The following PLD5 variants were observed in gnomAD, a reference collection of about 807,000 sequenced individuals.
The protein encoded by PLD5 is inactive phospholipase D5.
PLD5 carries 36 observed loss-of-function variants against 61.1 expected under a neutral mutation model. The observed-to-expected ratio is 0.59, with a 90% CI of 0.45 to 0.78. PLD5 has a LOEUF of 0.78. Ranked by LOEUF, PLD5 falls within the 30% of genes least tolerant of loss-of-function variation. The pLI is 0.00. For missense variants in PLD5, 515 were observed against 644.4 expected (o/e 0.80, Z 2.17); for synonymous variants, 243 against 242.8 (o/e 1.00, Z -0.01).
intron 3 of PLD5, among the ~76,000 whole-genome samples, chr1:242,277,522 G>C (rs1250007126): frequency 7.1e-6 from 1 of 140,154 alleles, no homozygotes; most frequent in African/African-American, 2.6e-5. Context: ...TCAGAAAAAG[G>C]GGGAAAAGAT....
intron 4 of PLD5, among the ~76,000 whole-genome samples, chr1:242,226,382 G>C (rs1000390863): frequency 2.0e-5 from 3 of 152,054 alleles, no homozygotes; most frequent in Non-Finnish European, 4.4e-5. Context: ...TCCTACTTTC[G>C]GCCCCGCAGT....
intron 8 of PLD5, among the ~76,000 whole-genome samples, chr1:242,106,977 C>T (rs1468814678): frequency 2.0e-5 from 3 of 152,172 alleles, no homozygotes; most frequent in Admixed American, 2.0e-4. Context: ...AGAATTAACA[C>T]ATTTCAGGTA....
intron 4 of PLD5, among the ~76,000 whole-genome samples, chr1:242,242,602 C>T (rs454731): frequency 0.71 from 108,042 of 152,136 alleles, 39,756 homozygotes; most frequent in Non-Finnish European, 0.81. Flanking sequence ...CCATTAATCA[C>T]GGATCGTAGA....
At chr1:242,319,960 C>A (rs1310321017) in intron 2 of PLD5, among the ~76,000 whole-genome samples, 1 of 152,204 alleles carries the variant, frequency 6.6e-6, no homozygotes, top group East Asian at 1.9e-4. Flanking sequence ...TCTCTTTCCC[C>A]CAATACCTGC....
chr1:242,390,441 T>C (rs1452559954), intron 1 of PLD5, among the ~76,000 whole-genome samples: 1 of 152,190 alleles, frequency 6.6e-6, no homozygotes, highest in Admixed American at 6.5e-5. Context: ...AGTTCTTAGA[T>C]TCAACCTTTA....
intron 1 of PLD5, among the ~76,000 whole-genome samples, chr1:242,486,709 G>T (rs1045622274): frequency 6.6e-5 from 10 of 152,182 alleles, no homozygotes; most frequent in African/African-American, 2.4e-4. Context: ...TCCCATTACT[G>T]GGTATATACC....
intron 1 of PLD5, among the ~76,000 whole-genome samples, chr1:242,394,138 G>GTA (rs1244596830): frequency 3.3e-5 from 3 of 91,412 alleles, no homozygotes; most frequent in African/African-American, 1.1e-4. Context: ...ATATATATGA[G>GTA]TATATATATG....
intron 1 of PLD5, among the ~76,000 whole-genome samples, chr1:242,391,372 G>GA (rs1001266742): frequency 6.6e-6 from 1 of 151,722 alleles, no homozygotes; most frequent in Non-Finnish European, 1.5e-5. Context: ...ACATAAATAG[G>GA]AAAAAAAGAA....
At chr1:242,298,628 G>T (rs573719894) in intron 2 of PLD5, among the ~76,000 whole-genome samples, 1 of 152,300 alleles carries the variant, frequency 6.6e-6, no homozygotes, top group East Asian at 1.9e-4. Flanking sequence ...GAAAGCAGAG[G>T]CTACTGTCTT....
intron 4 of PLD5, among the ~76,000 whole-genome samples, chr1:242,233,858 A>G (rs776833386): frequency 1.3e-5 from 2 of 152,222 alleles, no homozygotes; most frequent in Non-Finnish European, 2.9e-5. Context: ...GAAAGAAATC[A>G]GTCGTGGCCT....
At chr1:242,228,472 T>G (rs1489896596) in intron 4 of PLD5, among the ~76,000 whole-genome samples, 1 of 152,174 alleles carries the variant, frequency 6.6e-6, no homozygotes, top group Non-Finnish European at 1.5e-5. Flanking sequence ...GGACCAAATG[T>G]GGGCACTAAC....
intron 1 of PLD5, among the ~76,000 whole-genome samples, chr1:242,423,370 G>C (rs1665248978): frequency 6.6e-6 from 1 of 152,008 alleles, no homozygotes; most frequent in Non-Finnish European, 1.5e-5. Context: ...GGATAAAAGT[G>C]GGGTGCAGTG....
chr1:242,297,273 G>T (rs555409150), intron 2 of PLD5, among the ~76,000 whole-genome samples: 30 of 149,882 alleles, frequency 2.0e-4, no homozygotes, highest in Admixed American at 6.7e-4. Context: ...GAACTCTGAA[G>T]GCCGAGGTTG....
chr1:242,307,596 C>T (rs955339778), intron 2 of PLD5, among the ~76,000 whole-genome samples: 9 of 152,208 alleles, frequency 5.9e-5, no homozygotes, highest in African/African-American at 1.7e-4. Context: ...TAAAGTCTGG[C>T]GTGCTCAAAC....
chr1:242,127,730 G>A (rs764818503), intron 5 of PLD5, among the ~76,000 whole-genome samples: 4 of 152,022 alleles, frequency 2.6e-5, no homozygotes, highest in African/African-American at 7.3e-5. Flanking sequence ...GGTGATGAGC[G>A]CACCAAAATC....
intron 5 of PLD5, among the ~76,000 whole-genome samples, chr1:242,149,811 C>T (rs1664803817): frequency 6.6e-6 from 1 of 151,536 alleles, no homozygotes. Context: ...TCCTTAGGGT[C>T]TGTAGTGATG....
At chr1:242,357,571 C>T (rs1395596093) in intron 1 of PLD5, among the ~76,000 whole-genome samples, 4 of 151,476 alleles carry the variant, frequency 2.6e-5, no homozygotes, top group Middle Eastern at 3.4e-3. Context: ...CTGCAACCTC[C>T]GCCTCCCAGG....
intron 8 of PLD5, among the ~76,000 whole-genome samples, chr1:242,104,978 A>G (rs1425999199): frequency 6.6e-6 from 1 of 152,244 alleles, no homozygotes; most frequent in African/African-American, 2.4e-5. Flanking sequence ...TGGTTCTGTC[A>G]TAACAGCAAC....
chr1:242,168,846 G>GTTTTTTTTTTTTCTTTTTT (rs1666520818), intron 5 of PLD5, among the ~76,000 whole-genome samples: 1 of 111,266 alleles, frequency 9.0e-6, no homozygotes, highest in African/African-American at 3.7e-5. Flanking sequence ...AATTAATGAA[G>GTTTTTTTTTTTTCTTTTTT]TTTTTTTTTT....
Sources: gnomAD v4.1 joint callset for allele counts (sites outside exome capture counted in the v4.1 genomes callset) on GRCh38, gnomAD v4.1.1 for gene constraint, MANE v1.5 for transcripts, NCBI Gene and HGNC (gene_info 2026-07-23, HGNC 2026-07-21) for gene names.